FBXO34: variants seen among roughly 807,000 people sequenced by gnomAD.
FBXO34 encodes F-box only protein 34.
Under a neutral mutation model 24.5 loss-of-function variants are expected in FBXO34, and 12 were observed. The ratio of observed to expected loss-of-function variants is 0.49; its 90% CI spans 0.31 to 0.79. The LOEUF (loss-of-function observed/expected upper bound fraction) is 0.79, where lower values mean the gene tolerates loss of function less well. Ranked by LOEUF, FBXO34 falls within the 30% of genes least tolerant of loss-of-function variation. The pLI is 0.04. For synonymous variants in FBXO34, 320 were observed against 311.9 expected (o/e 1.03, Z -0.27); for missense variants, 823 against 857.7 (o/e 0.96, Z 0.51).
chr14:55,413,609 G>T, the FBXO34 span: 2 of 441,450 alleles, frequency 4.5e-6, no homozygotes, highest in East Asian at 6.1e-5. Flanking sequence ...TCCCTCCATT[G>T]GTTCTAAGTG....
At chr14:55,368,582 G>A (rs1158160584), downstream of FBXO34, 1 of 152,188 alleles carries the variant, frequency 6.6e-6, no homozygotes, top group Non-Finnish European at 1.5e-5. Context: ...CAGCCGTAAG[G>A]ATCTGCGCTG....
chr14:55,436,081 C>T, the FBXO34 span: 5 of 502,014 alleles, frequency 1.0e-5, no homozygotes, highest in Non-Finnish European at 1.7e-5. Flanking sequence ...TGACATGATT[C>T]CTAGTTAAGT....
At chr14:55,435,202 GACA>G in the FBXO34 span, among the ~76,000 whole-genome samples, 1 of 152,002 alleles carries the variant, frequency 6.6e-6, no homozygotes, top group Non-Finnish European at 1.5e-5. Flanking sequence ...AGGTAGCTGA[GACA>G]ACATTTGGCA....
intron 3 of FBXO34, among the ~76,000 whole-genome samples, chr14:55,359,072 G>A (rs1884558391): frequency 6.6e-6 from 1 of 152,090 alleles, no homozygotes; most frequent in South Asian, 2.1e-4. Flanking sequence ...ACCACTCCCA[G>A]CATAGTCTCT....
downstream of FBXO34, chr14:55,369,316 A>C: frequency 2.8e-5 from 6 of 217,292 alleles, no homozygotes; most frequent in Non-Finnish European, 4.5e-5. Flanking sequence ...CCCAGAGGGA[A>C]CCCAAATCAA....
At chr14:55,436,979 C>G in the FBXO34 span, 2 of 1,614,192 alleles carry the variant, frequency 1.2e-6, no homozygotes, top group Middle Eastern at 1.6e-4. Flanking sequence ...TAAGGTACAA[C>G]TGGGCTGAAC....
At chr14:55,365,720 A>C (rs1243631679), downstream of FBXO34, among the ~76,000 whole-genome samples, 1 of 152,186 alleles carries the variant, frequency 6.6e-6, no homozygotes, top group Non-Finnish European at 1.5e-5. Context: ...ACCCTGTTCG[A>C]GAACCCTTCC....
chr14:55,410,764 C>A, the FBXO34 span, among the ~76,000 whole-genome samples: 1 of 152,096 alleles, frequency 6.6e-6, no homozygotes, highest in Non-Finnish European at 1.5e-5. Flanking sequence ...TCGGTTGTTG[C>A]GAATGAATTA....
downstream of FBXO34, chr14:55,369,610 C>CCAT (rs1286431293): frequency 1.3e-6 from 2 of 1,499,716 alleles, no homozygotes; most frequent in Non-Finnish European, 1.8e-6. Context: ...ATGTTTTGGT[C>CCAT]CATGCTCGTT....
At chr14:55,325,476 T>C (rs1278802457) in intron 1 of FBXO34, among the ~76,000 whole-genome samples, 2 of 140,440 alleles carry the variant, frequency 1.4e-5, no homozygotes, top group African/African-American at 5.1e-5. Context: ...TCTTGTAAAC[T>C]AAATTATTTT....
At chr14:55,330,730 G>A (rs1883505033) in intron 1 of FBXO34, among the ~76,000 whole-genome samples, 1 of 152,200 alleles carries the variant, frequency 6.6e-6, no homozygotes, top group Admixed American at 6.5e-5. Flanking sequence ...GTTCGAGGCT[G>A]CAGTGAGCAG....
intron 1 of FBXO34, among the ~76,000 whole-genome samples, chr14:55,319,311 G>C (rs935651970): frequency 1.3e-5 from 2 of 152,130 alleles, no homozygotes; most frequent in Admixed American, 1.3e-4. Flanking sequence ...CGATTTTTAG[G>C]TGAACCTTCT....
At chr14:55,326,186 A>T (rs1883337338) in intron 1 of FBXO34, among the ~76,000 whole-genome samples, 1 of 152,190 alleles carries the variant, frequency 6.6e-6, no homozygotes, top group East Asian at 1.9e-4. Flanking sequence ...AAAGCTCTGA[A>T]ACAAATCCAG....
At chr14:55,400,621 G>A in the FBXO34 span, among the ~76,000 whole-genome samples, 1 of 152,120 alleles carries the variant, frequency 6.6e-6, no homozygotes, top group East Asian at 1.9e-4. Context: ...AAAATAAACT[G>A]GGCCGGTGCG....
the FBXO34 span, among the ~76,000 whole-genome samples, chr14:55,433,946 ATG>A: frequency 2.6e-5 from 4 of 152,196 alleles, no homozygotes; most frequent in African/African-American, 9.7e-5. Flanking sequence ...AATGCCTGTT[ATG>A]TTTCAGTTCC....
the FBXO34 span, among the ~76,000 whole-genome samples, chr14:55,428,119 CTTTTTTTTTTTTTTTTT>C: frequency 1.2e-4 from 5 of 43,362 alleles, no homozygotes; most frequent in East Asian, 4.3e-3. Context: ...CATGCCTTAT[CTTTTTTTTTTTTTTTTT>C]TTTTTTTTTT....
the FBXO34 span, among the ~76,000 whole-genome samples, chr14:55,430,105 G>T: frequency 6.6e-6 from 1 of 152,126 alleles, no homozygotes; most frequent in African/African-American, 2.4e-5. Flanking sequence ...CCTGAGAGGT[G>T]AGGCTTCATT....
At chr14:55,437,935 T>C in the FBXO34 span, among the ~76,000 whole-genome samples, 1 of 151,384 alleles carries the variant, frequency 6.6e-6, no homozygotes, top group East Asian at 1.9e-4. Flanking sequence ...AATCAATTTA[T>C]TTTCAGTCCA....
At chr14:55,302,446 CTTTTTTGTTTT>C (rs1882392402) in intron 1 of FBXO34, among the ~76,000 whole-genome samples, 2 of 129,662 alleles carry the variant, frequency 1.5e-5, no homozygotes, top group South Asian at 2.4e-4. Context: ...TCTGTAGCCT[CTTTTTTGTTTT>C]TTTTTTTTTT....
Sources: allele counts gnomAD v4.1 joint callset (sites outside exome capture counted in the v4.1 genomes callset), GRCh38; gene constraint gnomAD v4.1.1; transcripts MANE v1.5; gene names NCBI Gene and HGNC (gene_info 2026-07-23, HGNC 2026-07-21).